Variants in KCNIP4 observed in about 807,000 individuals in gnomAD.
The protein encoded by KCNIP4 is Kv channel-interacting protein 4.
KCNIP4 carries 12 observed loss-of-function variants against 34.0 expected under a neutral mutation model. The observed-to-expected ratio is 0.35, with a 90% confidence interval of 0.23 to 0.57. KCNIP4 has a LOEUF of 0.57. Ranked by LOEUF, KCNIP4 falls within the 20% of genes least tolerant of loss-of-function variation. The pLI is 0.83. For missense variants in KCNIP4, 238 were observed against 311.7 expected, an observed-to-expected ratio of 0.76 and a Z score of 1.78; for synonymous variants, 124 against 102.2, an observed-to-expected ratio of 1.21 and a Z score of -1.29.
At chr4:21,802,812 C>G (rs1364437954) in intron 1 of KCNIP4, among the ~76,000 whole-genome samples, 1 of 152,154 alleles carries the variant, frequency 6.6e-6, no homozygotes, top group African/African-American at 2.4e-5. Context: ...CATCACATTT[C>G]CTAAACCACA....
intron 1 of KCNIP4, among the ~76,000 whole-genome samples, chr4:21,390,295 T>C (rs1438287592): frequency 6.6e-6 from 1 of 152,190 alleles, no homozygotes; most frequent in African/African-American, 2.4e-5. Context: ...GTGCAGAAGC[T>C]CTTTAGTTTA....
chr4:21,188,470 T>C (rs1560793259), intron 1 of KCNIP4, among the ~76,000 whole-genome samples: 1 of 152,194 alleles, frequency 6.6e-6, no homozygotes, highest in South Asian at 2.1e-4. Context: ...GTGGTAATAA[T>C]AATAATATAT....
intron 1 of KCNIP4, among the ~76,000 whole-genome samples, chr4:21,134,890 C>T (rs1387898935): frequency 6.6e-6 from 1 of 152,334 alleles, no homozygotes; most frequent in South Asian, 2.1e-4. Context: ...GAAATGAGGG[C>T]AGAAACTACC....
At chr4:21,190,961 T>TGCAAAGAA (rs1473992957) in intron 1 of KCNIP4, among the ~76,000 whole-genome samples, 1 of 152,216 alleles carries the variant, frequency 6.6e-6, no homozygotes, top group African/African-American at 2.4e-5. Flanking sequence ...AATCCTTCCC[T>TGCAAAGAA]GGATAGGCAA....
chr4:20,793,476 T>G (rs1713041162), intron 3 of KCNIP4, among the ~76,000 whole-genome samples: 1 of 152,152 alleles, frequency 6.6e-6, no homozygotes, highest in Non-Finnish European at 1.5e-5. Flanking sequence ...ATTTTGATTG[T>G]ATTGATGATT....
chr4:21,140,534 G>A (rs541218322), intron 1 of KCNIP4, among the ~76,000 whole-genome samples: 1 of 152,126 alleles, frequency 6.6e-6, no homozygotes, highest in South Asian at 2.1e-4. Flanking sequence ...AAAACTTTAT[G>A]CTAATAATTT....
At chr4:21,014,738 C>T (rs1030226956) in intron 1 of KCNIP4, among the ~76,000 whole-genome samples, 1 of 152,108 alleles carries the variant, frequency 6.6e-6, no homozygotes, top group Non-Finnish European at 1.5e-5. Flanking sequence ...GTAGCATTAC[C>T]ATTGACTCAG....
chr4:20,780,342 C>T (rs947173131), intron 3 of KCNIP4, among the ~76,000 whole-genome samples: 1 of 152,078 alleles, frequency 6.6e-6, no homozygotes, highest in Non-Finnish European at 1.5e-5. Flanking sequence ...AAAATAATGG[C>T]ATTTAAAGAG....
chr4:21,759,493 C>A (rs367605584), intron 1 of KCNIP4, among the ~76,000 whole-genome samples: 2 of 152,130 alleles, frequency 1.3e-5, no homozygotes, highest in African/African-American at 4.8e-5. Context: ...TCTTTGTAGT[C>A]AAAGAATCCT....
At chr4:21,430,529 G>A (rs111648128) in intron 1 of KCNIP4, among the ~76,000 whole-genome samples, 34 of 151,978 alleles carry the variant, frequency 2.2e-4, no homozygotes, top group African/African-American at 7.7e-4. Context: ...AACCTGCCCC[G>A]GCTCAGTTCT....
At chr4:20,997,442 G>A (rs2149713284) in intron 1 of KCNIP4, among the ~76,000 whole-genome samples, 2 of 152,310 alleles carry the variant, frequency 1.3e-5, no homozygotes, top group Middle Eastern at 6.8e-3. Flanking sequence ...TTAACTGATG[G>A]TGAAACATGT....
intron 1 of KCNIP4, among the ~76,000 whole-genome samples, chr4:21,805,058 C>A (rs1255574309): frequency 2.0e-5 from 3 of 152,204 alleles, no homozygotes; most frequent in Admixed American, 6.5e-5. Flanking sequence ...ACTCTCATTG[C>A]AGAACAGAGG....
intron 1 of KCNIP4, among the ~76,000 whole-genome samples, chr4:20,893,649 C>T (rs1336436316): frequency 6.6e-6 from 1 of 150,568 alleles, no homozygotes. Flanking sequence ...GTCTTGAACT[C>T]CTGGGCTCAA....
At chr4:21,456,874 T>C (rs1170932029) in intron 1 of KCNIP4, among the ~76,000 whole-genome samples, 1 of 152,076 alleles carries the variant, frequency 6.6e-6, no homozygotes, top group African/African-American at 2.4e-5. Flanking sequence ...CCCAAAGATC[T>C]CAAGATGTGT....
intron 1 of KCNIP4, among the ~76,000 whole-genome samples, chr4:20,988,924 G>A (rs1366610787): frequency 6.6e-6 from 1 of 152,152 alleles, no homozygotes; most frequent in Non-Finnish European, 1.5e-5. Flanking sequence ...GCAGAAAGTC[G>A]GCACCAGTGG....
At chr4:20,864,222 GCA>G (rs1722601700) in intron 2 of KCNIP4, among the ~76,000 whole-genome samples, 1 of 142,292 alleles carries the variant, frequency 7.0e-6, no homozygotes, top group Admixed American at 7.0e-5. Flanking sequence ...ATGTATATAT[GCA>G]TATATATGTA....
chr4:21,033,874 G>A (rs1482336622), intron 1 of KCNIP4, among the ~76,000 whole-genome samples: 1 of 152,138 alleles, frequency 6.6e-6, no homozygotes, highest in African/African-American at 2.4e-5. Context: ...ATCACAAACA[G>A]TGGAAGATAT....
chr4:20,943,037 A>AAGATCAAT (rs1731803799), intron 1 of KCNIP4, among the ~76,000 whole-genome samples: 1 of 152,220 alleles, frequency 6.6e-6, no homozygotes, highest in Non-Finnish European at 1.5e-5. Flanking sequence ...ACCATGAATC[A>AAGATCAAT]AGATCAATAT....
At chr4:21,018,261 C>A (rs1739728837) in intron 1 of KCNIP4, among the ~76,000 whole-genome samples, 1 of 152,132 alleles carries the variant, frequency 6.6e-6, no homozygotes, top group Admixed American at 6.5e-5. Context: ...AAGCTCTCAC[C>A]GTATTCAACA....
Sources: allele counts gnomAD v4.1 joint callset (sites outside exome capture counted in the v4.1 genomes callset), GRCh38; gene constraint gnomAD v4.1.1; transcripts MANE v1.5; gene names NCBI Gene and HGNC (gene_info 2026-07-23, HGNC 2026-07-21).